Variants in SLC4A4 observed in about 807,000 individuals in gnomAD.
The protein encoded by SLC4A4 is solute carrier family 4 member 4.
In SLC4A4, 27 loss-of-function variants were observed where a neutral mutation model predicts 111.5. The observed-to-expected ratio is 0.24, with a 90% CI of 0.18 to 0.33. The LOEUF is 0.33. SLC4A4 is among the 10% of genes least tolerant of loss of function. SLC4A4 has a pLI of 1.00. For synonymous variants in SLC4A4, 443 were observed against 463.4 expected (o/e 0.96, Z 0.57); for missense variants, 909 against 1,315.5 (o/e 0.69, Z 4.78).
rs760037325 is a variant in SLC4A4, at chr4:71,536,485, T to TATATAAAA, written c.2442+2099_2442+2100insATAAAAAT. Among the ~76,000 whole-genome samples, 432 of 83,986 alleles carry TATATAAAA rather than the reference T, an allele frequency of 5.1e-3. 7 individuals carry two copies. The highest frequency in any genetic ancestry group is 7.2e-3 in the Non-Finnish European group (327 of 45,378). 55.1% of individuals were successfully genotyped at this position (83,986 alleles called of 152,430 possible). On this transcript the variant is annotated intron_variant, in intron 18 of 25. Transcript: ENST00000264485. ...ATATACATATATATATATATATATA[T>TATATAAAA]ATGTATATATTTATTTATTTATTTA... is the stretch of plus-strand genomic sequence containing the variant.
rs138360351 is a variant in SLC4A4 at position 71,318,714 on chromosome 4, G to A, written c.254-20656G>A. Among the ~76,000 whole-genome samples, 49 of 151,924 alleles carry A rather than the reference G, an allele frequency of 3.2e-4. 1 individual carries two copies. The East Asian group carries it at 9.3e-3, about 29-fold the overall frequency. On this transcript the variant is annotated intron_variant, in intron 3 of 25. Coordinates refer to ENST00000264485, the MANE Select transcript of SLC4A4 (RefSeq NM_001098484.3). ...ACTAGGCATTGGCCAGCTTTTCTTT[G>A]AGTATACAAGACAGAAGTTTAGAGT...
intron 1 of SLC4A4, among the ~76,000 whole-genome samples, chr4:71,075,799 A>G (rs1741796071): frequency 6.6e-6 from 1 of 151,946 alleles, no homozygotes; most frequent in Non-Finnish European, 1.5e-5. Flanking sequence ...CCCCGTCCCC[A>G]CTAAAAATAC....
chr4:71,326,355 G>C (rs575073162), intron 3 of SLC4A4, among the ~76,000 whole-genome samples: 2 of 151,996 alleles, frequency 1.3e-5, no homozygotes, highest in East Asian at 3.9e-4. Context: ...ACCTAAGTTT[G>C]ATCCTAACTC....
chr4:71,394,652 A>C (rs115755742), intron 6 of SLC4A4, among the ~76,000 whole-genome samples: 2 of 152,130 alleles, frequency 1.3e-5, no homozygotes, highest in African/African-American at 4.8e-5. Flanking sequence ...ACAATTCACA[A>C]TTGCAGAATT....
chr4:71,178,128 C>A (rs2059218328), intron 2 of SLC4A4, among the ~76,000 whole-genome samples: 1 of 151,716 alleles, frequency 6.6e-6, no homozygotes. Context: ...TCTTTGAAAC[C>A]AACGAGAAAA....
intron 12 of SLC4A4, among the ~76,000 whole-genome samples, chr4:71,454,077 A>G (rs1725999558): frequency 6.6e-6 from 1 of 152,238 alleles, no homozygotes; most frequent in South Asian, 2.1e-4. Flanking sequence ...CACATGAGCA[A>G]ATAGCTTCCA....
intron 6 of SLC4A4, among the ~76,000 whole-genome samples, chr4:71,376,192 C>CACAT (rs544323906): frequency 7.5e-5 from 11 of 146,472 alleles, no homozygotes; most frequent in Non-Finnish European, 1.2e-4. Flanking sequence ...CACACACACA[C>CACAT]ATATATATGT....
intron 11 of SLC4A4, among the ~76,000 whole-genome samples, chr4:71,452,463 G>A (rs994521977): frequency 2.6e-5 from 4 of 152,230 alleles, no homozygotes; most frequent in African/African-American, 9.6e-5. Context: ...ATAGCCCTGT[G>A]AATACTAAGA....
intron 19 of SLC4A4, 118 bp from the exon 20 acceptor site, chr4:71,547,530 C>A (rs1165530991): frequency 6.1e-6 from 5 of 826,276 alleles, no homozygotes; most frequent in Non-Finnish European, 1.1e-5. Flanking sequence ...ATATCAACAC[C>A]TTTGTTGTTT....
intron 3 of SLC4A4, among the ~76,000 whole-genome samples, chr4:71,318,340 T>C (rs1419143280): frequency 6.6e-6 from 1 of 152,182 alleles, no homozygotes; most frequent in South Asian, 2.1e-4. Flanking sequence ...CATGCTAATT[T>C]CATAGGCAAA....
chr4:71,226,193 C>T (rs1393537556), intron 1 of SLC4A4, among the ~76,000 whole-genome samples: 1 of 152,140 alleles, frequency 6.6e-6, no homozygotes, highest in Non-Finnish European at 1.5e-5. Context: ...AGTGCAGTGG[C>T]TATTCACAGG....
intron 7 of SLC4A4, among the ~76,000 whole-genome samples, chr4:71,401,020 T>C (rs535870951): frequency 6.6e-6 from 1 of 152,280 alleles, no homozygotes; most frequent in African/African-American, 2.4e-5. Context: ...GACTGAAATT[T>C]CTGATTGACT....
intron 13 of SLC4A4, among the ~76,000 whole-genome samples, chr4:71,466,956 AGAGAGAGAGG>A (rs150719562): frequency 1.7e-3 from 187 of 109,328 alleles, no homozygotes; most frequent in Non-Finnish European, 2.0e-3. Flanking sequence ...AGAGAGAGAG[AGAGAGAGAGG>A]GAGAGAGAGA....
In SLC4A4 at chr4:71,571,462, A is replaced by G. The variant is rs1438810645; in HGVS notation, c.*3711A>G. 1 of 152,172 alleles carries G rather than the reference A, an allele frequency of 6.6e-6. No homozygotes were observed. The highest frequency in any genetic ancestry group is 1.5e-5 in the Non-Finnish European group (1 of 67,874). 9.4% of individuals were successfully genotyped at this position (152,172 alleles called of 1,614,324 possible). ...TTTTCAGATGATTTCATTGAGCTTC[A>G]TTGCAGCCTGAAATTTTAAAAAAGT... is the stretch of plus-strand genomic sequence containing the variant. On this transcript the variant is annotated 3_prime_UTR_variant, in exon 26 of 26. Coordinates refer to ENST00000264485, the MANE Select transcript of SLC4A4 (RefSeq NM_001098484.3).
At chr4:71,523,452 A>G (rs1733136691) in intron 16 of SLC4A4, among the ~76,000 whole-genome samples, 1 of 152,208 alleles carries the variant, frequency 6.6e-6, no homozygotes, top group Admixed American at 6.6e-5. Context: ...GTTCTTACAG[A>G]CATATGACCA....
At chr4:71,390,769 A>G (rs1317158337) in intron 6 of SLC4A4, among the ~76,000 whole-genome samples, 2 of 152,136 alleles carry the variant, frequency 1.3e-5, no homozygotes, top group Non-Finnish European at 2.9e-5. Context: ...TGCAAATAAC[A>G]CAGAGAGATA....
At position 71,387,620 on chromosome 4, in the gene SLC4A4, G is replaced by A. The variant is rs151255179; in HGVS notation, c.731-9957G>A. ...AGTGATTCTCCTGCCTCAGCCTCCC[G>A]AGTAGCTGGGATTACAGGCGTGCAC... On this transcript the variant is annotated intron_variant, in intron 6 of 25. Transcript: ENST00000264485. 9.1e-3 allele frequency among the ~76,000 whole-genome samples: 1,377 copies of A among 151,938 alleles called. 25 individuals are homozygous for A. Among genetic ancestry groups the A allele is most frequent in the African/African-American group, 0.032 (1,325 of 41,422 alleles).
intron 23 of SLC4A4, 148 bp downstream of exon 23, chr4:71,560,402 G>A: frequency 1.3e-6 from 1 of 795,334 alleles, no homozygotes; most frequent in Non-Finnish European, 1.9e-6. Flanking sequence ...ACCTCCCTTT[G>A]CCCTTTATAT....
chr4:71,530,110 T>C (rs1224523611), intron 16 of SLC4A4, among the ~76,000 whole-genome samples: 2 of 152,168 alleles, frequency 1.3e-5, no homozygotes, highest in Non-Finnish European at 2.9e-5. Flanking sequence ...CAAAATTAGC[T>C]CTGAGTGGCA....
Sources: gnomAD v4.1 joint callset for allele counts (sites outside exome capture counted in the v4.1 genomes callset) on GRCh38, gnomAD v4.1.1 for gene constraint, MANE v1.5 for transcripts, NCBI Gene and HGNC (gene_info 2026-07-23, HGNC 2026-07-21) for gene names.